The following DLGAP1 variants were observed in gnomAD, a reference collection of about 807,000 sequenced individuals.
The protein encoded by DLGAP1 is disks large-associated protein 1.
Under a neutral mutation model 90.8 loss-of-function variants are expected in DLGAP1, and 11 were observed. That is an observed-to-expected ratio of 0.12 (90% CI 0.08 to 0.20). DLGAP1 has a LOEUF of 0.20. Ranked by LOEUF, DLGAP1 falls within the 10% of genes least tolerant of loss-of-function variation. The pLI is 1.00. For missense variants in DLGAP1, 1,050 were observed against 1,333.8 expected (o/e 0.79, Z 3.31); for synonymous variants, 558 against 540.7 (o/e 1.03, Z -0.44).
chr18:4,082,753 A>AGTTGTGAAATTCAGGCAAGTAC (rs71160941), intron 2 of DLGAP1, among the ~76,000 whole-genome samples: 46,638 of 151,180 alleles, frequency 0.31, 7,351 homozygotes, highest in East Asian at 0.34. Flanking sequence ...AGGTTAAGTA[A>AGTTGTGAAATTCAGGCAAGTAC]GTTGTGAAAT....
intron 3 of DLGAP1, among the ~76,000 whole-genome samples, chr18:3,911,758 T>C (rs2072039264): frequency 6.6e-6 from 1 of 152,250 alleles, no homozygotes; most frequent in African/African-American, 2.4e-5. Flanking sequence ...TACTGAATCA[T>C]AGCACTTCTC....
At chr18:3,761,942 T>C (rs1012184729) in intron 5 of DLGAP1, among the ~76,000 whole-genome samples, 1 of 152,200 alleles carries the variant, frequency 6.6e-6, no homozygotes, top group African/African-American at 2.4e-5. Flanking sequence ...CAGAAGAACT[T>C]CGTCTTTTCT....
intron 1 of DLGAP1, among the ~76,000 whole-genome samples, chr18:4,388,099 T>C (rs1389029429): frequency 6.6e-6 from 1 of 151,954 alleles, no homozygotes; most frequent in Non-Finnish European, 1.5e-5. Flanking sequence ...GAGTGGAAGC[T>C]AGGCATAAAC....
intron 1 of DLGAP1, among the ~76,000 whole-genome samples, chr18:4,407,210 A>G (rs1413146391): frequency 6.6e-6 from 1 of 152,206 alleles, no homozygotes; most frequent in Non-Finnish European, 1.5e-5. Context: ...AAAGGGAAAA[A>G]AAGTAGCATT....
intron 7 of DLGAP1, among the ~76,000 whole-genome samples, chr18:3,669,995 G>A (rs998600429): frequency 6.6e-6 from 1 of 152,212 alleles, no homozygotes; most frequent in East Asian, 1.9e-4. Flanking sequence ...AGAGGTATGC[G>A]TAGTGAGGCA....
At chr18:4,409,996 A>G (rs945482059) in intron 1 of DLGAP1, among the ~76,000 whole-genome samples, 2 of 152,216 alleles carry the variant, frequency 1.3e-5, no homozygotes, top group Non-Finnish European at 1.5e-5. Flanking sequence ...ATGAATTAAC[A>G]GCATTTGCAA....
At chr18:3,926,536 A>T (rs895720359) in intron 3 of DLGAP1, among the ~76,000 whole-genome samples, 27 of 152,052 alleles carry the variant, frequency 1.8e-4, no homozygotes, top group African/African-American at 6.0e-4. Context: ...ATATACATAC[A>T]TGCAGACACA....
intron 1 of DLGAP1, among the ~76,000 whole-genome samples, chr18:4,238,769 T>C (rs142264343): frequency 1.3e-5 from 2 of 152,276 alleles, no homozygotes; most frequent in African/African-American, 4.8e-5. Context: ...TTTCATATTA[T>C]TAGAAATGGG....
intron 1 of DLGAP1, among the ~76,000 whole-genome samples, chr18:4,362,118 T>G (rs1383778295): frequency 6.6e-6 from 1 of 152,170 alleles, no homozygotes; most frequent in Admixed American, 6.5e-5. Context: ...ACTGGAACAC[T>G]TGTACACTGT....
At chr18:4,239,783 ATATT>A (rs1598700702) in intron 1 of DLGAP1, among the ~76,000 whole-genome samples, 1 of 152,184 alleles carries the variant, frequency 6.6e-6, no homozygotes, top group African/African-American at 2.4e-5. Flanking sequence ...ATCTAAAATA[ATATT>A]TATTTGGAAG....
intron 9 of DLGAP1, among the ~76,000 whole-genome samples, chr18:3,556,602 G>A (rs766335641): frequency 6.6e-6 from 1 of 151,962 alleles, no homozygotes; most frequent in Non-Finnish European, 1.5e-5. Flanking sequence ...ATTACTTTTA[G>A]TGCTGAATAA....
At chr18:4,322,211 A>T (rs1312604670) in intron 1 of DLGAP1, among the ~76,000 whole-genome samples, 1 of 151,772 alleles carries the variant, frequency 6.6e-6, no homozygotes, top group Non-Finnish European at 1.5e-5. Context: ...GAAAAAAAGA[A>T]AAAAAAAGAA....
intron 2 of DLGAP1, among the ~76,000 whole-genome samples, chr18:4,144,593 T>A (rs1384856552): frequency 6.6e-6 from 1 of 152,184 alleles, no homozygotes; most frequent in Non-Finnish European, 1.5e-5. Flanking sequence ...TTTTAGTTCT[T>A]ATAAAGGTGA....
intron 8 of DLGAP1, chr18:3,580,819 G>A (rs2055455659): frequency 1.3e-6 from 2 of 1,519,456 alleles, no homozygotes; most frequent in African/African-American, 1.4e-5. Flanking sequence ...CACCTGCCGT[G>A]CGGACCGTGG....
At chr18:4,377,880 A>G (rs1490455989) in intron 1 of DLGAP1, among the ~76,000 whole-genome samples, 1 of 151,962 alleles carries the variant, frequency 6.6e-6, no homozygotes, top group Non-Finnish European at 1.5e-5. Context: ...GGAATCCATC[A>G]TTTATAAGTA....
intron 1 of DLGAP1, among the ~76,000 whole-genome samples, chr18:4,193,488 G>A (rs1056297576): frequency 6.6e-6 from 1 of 151,994 alleles, no homozygotes; most frequent in Non-Finnish European, 1.5e-5. Flanking sequence ...ACAGCTTTGG[G>A]GGAAAAAAAC....
intron 1 of DLGAP1, among the ~76,000 whole-genome samples, chr18:4,346,513 A>G (rs2081305252): frequency 1.3e-5 from 2 of 152,218 alleles, no homozygotes; most frequent in Admixed American, 6.5e-5. Context: ...TCCAGAAATT[A>G]TCTCACTTAA....
chr18:3,978,330 C>A (rs961546377), intron 3 of DLGAP1: 30 of 365,586 alleles, frequency 8.2e-5, no homozygotes, highest in South Asian at 6.5e-4. Flanking sequence ...GTGGACTCCA[C>A]AACGTACTCA....
intron 1 of DLGAP1, among the ~76,000 whole-genome samples, chr18:4,221,734 C>T (rs2078081732): frequency 6.6e-6 from 1 of 152,136 alleles, no homozygotes; most frequent in African/African-American, 2.4e-5. Flanking sequence ...ATACTTTACT[C>T]TATGTTGACT....
Sources: allele counts gnomAD v4.1 joint callset (sites outside exome capture counted in the v4.1 genomes callset), GRCh38; gene constraint gnomAD v4.1.1; transcripts MANE v1.5; gene names NCBI Gene and HGNC (gene_info 2026-07-23, HGNC 2026-07-21).